AKAP9: variants seen among roughly 807,000 people sequenced by gnomAD.
AKAP9 encodes A-kinase anchor protein 9.
Under a neutral mutation model 488.5 loss-of-function variants are expected in AKAP9, and 311 were observed. That is an observed-to-expected ratio of 0.64 (90% CI 0.58 to 0.70). The LOEUF (loss-of-function observed/expected upper bound fraction) is 0.70, where lower values mean the gene tolerates loss of function less well. Among genes scored for constraint, AKAP9 ranks in the 30% least tolerant of loss-of-function variants. The pLI is 0.00. For missense variants in AKAP9, 4,215 were observed against 4,374.5 expected (o/e 0.96, Z 1.03); for synonymous variants, 1,462 against 1,483.5 (o/e 0.99, Z 0.33).
chr7:92,098,430 A>T (rs1816999279), intron 43 of AKAP9, among the ~76,000 whole-genome samples: 2 of 152,266 alleles, frequency 1.3e-5, no homozygotes, highest in South Asian at 4.2e-4. Context: ...GTCATTGAAT[A>T]ATTATGTTGA....
chr7:91,990,144 A>G (rs935323741), intron 3 of AKAP9, among the ~76,000 whole-genome samples: 2 of 152,116 alleles, frequency 1.3e-5, no homozygotes, highest in African/African-American at 4.8e-5. Context: ...AACAAATGCC[A>G]CAATAAAAAA....
rs1261417754 is a variant in AKAP9 at position 92,084,133 on chromosome 7, A to G, written c.8646+478A>G. Among the ~76,000 whole-genome samples, 10 of 152,330 alleles carry G rather than the reference A, an allele frequency of 6.6e-5. No homozygotes were observed. The East Asian group carries it at 1.2e-3, about 18-fold the overall frequency. On this transcript the variant is annotated intron_variant, in intron 33 of 49. Transcript: ENST00000356239. ...AGAATGATGGTTTCCAGCTTCATCT[A>G]TGTCCCTGCAAATGACATGAACGCA...
chr7:92,080,441 A>G (rs1048354653), intron 31 of AKAP9, among the ~76,000 whole-genome samples: 7 of 152,056 alleles, frequency 4.6e-5, no homozygotes, highest in African/African-American at 1.7e-4. Context: ...TACTAAAAAT[A>G]CAAAAAATTA....
At chr7:92,058,475 CT>C (rs1286909870) in intron 22 of AKAP9, 1 of 409,884 alleles carries the variant, frequency 2.4e-6, no homozygotes, top group African/African-American at 2.1e-5. Context: ...TTTTGAGTGT[CT>C]ATATTAAGGC....
chr7:91,960,712 CCT>C (rs1210247413), intron 1 of AKAP9, among the ~76,000 whole-genome samples: 1 of 152,106 alleles, frequency 6.6e-6, no homozygotes, highest in Non-Finnish European at 1.5e-5. Flanking sequence ...AGGGTTTATA[CCT>C]CTTTTATTCC....
intron 1 of AKAP9, among the ~76,000 whole-genome samples, chr7:91,958,763 A>G (rs1348293796): frequency 2.6e-5 from 4 of 152,190 alleles, no homozygotes; most frequent in African/African-American, 7.2e-5. Flanking sequence ...TTTTTCTTCT[A>G]TGCATAAGTA....
chr7:92,035,337 A>C (rs1805017029), intron 16 of AKAP9, among the ~76,000 whole-genome samples: 1 of 152,112 alleles, frequency 6.6e-6, no homozygotes. Flanking sequence ...ATATAATTTC[A>C]GTTCTTTTAA....
At chr7:92,062,733 A>G (rs966527961) in intron 24 of AKAP9, among the ~76,000 whole-genome samples, 3 of 152,106 alleles carry the variant, frequency 2.0e-5, no homozygotes, top group Non-Finnish European at 2.9e-5. Context: ...TTTATCCTCA[A>G]ACTTCTGCTT....
In AKAP9 at chr7:92,102,669, T is replaced by G; in HGVS notation, c.11173T>G (p.Leu3725Val). 1.2e-6 allele frequency: 2 copies of G among 1,614,222 alleles called. No homozygotes were observed. Among genetic ancestry groups the G allele is most frequent in the Non-Finnish European group, 1.7e-6 (2 of 1,180,044 alleles). The change falls in exon 46 of 50, where the codon TTA becomes GTA. Residue 3725 changes from leucine to valine, a missense_variant. Leu to Val is a conservative substitution (Grantham distance 32). Around this residue, in one of 5 missense-constraint regions of AKAP9, gnomAD observed 253 missense variants for 266.8 expected, o/e 0.95. Transcript: ENST00000356239. ...LIYQKKYLLL[L>V]LGGFQECEDA... ...TTACCAGAAGAAATACCTGCTGCTG[T>G]TACTGGGTGGGTTCCAGGAATGTGA...
rs1584558598 is a variant in AKAP9 at position 92,100,063 on chromosome 7, C to T, written c.10896+194C>T. 5.6e-6 allele frequency: 3 copies of T among 536,606 alleles called. No individual in the cohort carries two copies. In the East Asian group the frequency reaches 1.0e-4, roughly 18 times the overall value. The allele number at this position is 536,606 out of a possible 1,614,324, so 33.2% of individuals were successfully genotyped here. A position where few individuals can be genotyped will look rare whatever the true frequency, so the allele number is the denominator to read the frequency against. ...AATAATTACTGTTATTTATTGGAAA[C>T]CATCTCTGTACTCGACTCTGGGTTG... On this transcript the variant is annotated intron_variant, in intron 44 of 49. Coordinates refer to ENST00000356239, the MANE Select transcript of AKAP9 (RefSeq NM_005751.5).
chr7:91,997,639 A>G (rs2299233), intron 7 of AKAP9, among the ~76,000 whole-genome samples: 86,718 of 151,968 alleles, frequency 0.57, 26,038 homozygotes, highest in African/African-American at 0.77. Context: ...AGAAACAGTA[A>G]TCTTTGAAAG....
At chr7:91,986,296 T>A (rs1797079361) in intron 3 of AKAP9, among the ~76,000 whole-genome samples, 1 of 152,168 alleles carries the variant, frequency 6.6e-6, no homozygotes, top group Non-Finnish European at 1.5e-5. Flanking sequence ...CCAGGTACAG[T>A]CTGTCACAGC....
intron 5 of AKAP9, among the ~76,000 whole-genome samples, chr7:91,993,996 G>C (rs917911346): frequency 2.0e-5 from 3 of 152,152 alleles, no homozygotes; most frequent in Non-Finnish European, 4.4e-5. Flanking sequence ...AGGCATAGTG[G>C]TGTGTGCCTG....
At chr7:92,068,681 CTTATTA>C (rs1466493287) in intron 26 of AKAP9, among the ~76,000 whole-genome samples, 6 of 151,554 alleles carry the variant, frequency 4.0e-5, no homozygotes, top group South Asian at 2.1e-4. Flanking sequence ...TCTTAGTCAA[CTTATTA>C]TTATTAAAGT....
intron 23 of AKAP9, 59 bp from the exon 24 acceptor site, chr7:92,062,215 C>A (rs1363860492): frequency 1.4e-6 from 2 of 1,440,866 alleles, no homozygotes; most frequent in East Asian, 2.3e-5. Context: ...TATATTAAAA[C>A]CTAGTGGTTG....
Position 92,076,970 on chromosome 7 carries a change from G to T in AKAP9, c.6728G>T (p.Arg2243Leu). The T allele has an allele frequency of 6.3e-7, 1 of 1,576,992 alleles. No homozygotes were observed. The change falls in exon 29 of 50, where the codon CGC becomes CTC. Residue 2243 changes from arginine to leucine, a missense_variant. Arg to Leu is a moderately radical substitution (Grantham distance 102). This residue lies in a region of AKAP9 where 51 missense variants were observed against 87.3 expected (regional missense o/e 0.58). Transcript: ENST00000356239. The stretch of plus-strand genomic sequence containing the variant: ...ATACAGAAAAAGGAATCTACTACCC[G>T]CCTACAAGAACTTGAACAGGAAAAC... ...LEIQKKESTT[R>L]LQELEQENKL...
At chr7:92,105,892 C>T (rs1818437115) in intron 47 of AKAP9, 129 bp downstream of exon 47, 4 of 819,518 alleles carry the variant, frequency 4.9e-6, no homozygotes, top group South Asian at 2.8e-5. Flanking sequence ...AGGTGAGCAG[C>T]GGGCATTACT....
intron 16 of AKAP9, among the ~76,000 whole-genome samples, chr7:92,038,011 C>T (rs866297288): frequency 4.6e-5 from 7 of 152,028 alleles, no homozygotes; most frequent in Non-Finnish European, 7.4e-5. Flanking sequence ...AATATGATCA[C>T]GTTTTTATAG....
chr7:92,093,506 G>A (rs1816009565), intron 39 of AKAP9, among the ~76,000 whole-genome samples, 190 bp downstream of exon 39: 1 of 152,104 alleles, frequency 6.6e-6, no homozygotes, highest in Non-Finnish European at 1.5e-5. Flanking sequence ...CGTGATTATA[G>A]CATATTCTCT....
Sources: gnomAD v4.1 joint callset for allele counts (sites outside exome capture counted in the v4.1 genomes callset) on GRCh38, gnomAD v4.1.1 for gene constraint, gnomAD v4.1.1 regional missense constraint, MANE v1.5 for transcripts, NCBI Gene and HGNC (gene_info 2026-07-23, HGNC 2026-07-21) for gene names.